CDH13: variants seen among roughly 807,000 people sequenced by gnomAD.
CDH13 encodes the protein cadherin-13.
In CDH13, 24 loss-of-function variants were observed where a neutral mutation model predicts 63.8. That is an observed-to-expected ratio of 0.38 (90% CI 0.27 to 0.53). The LOEUF (loss-of-function observed/expected upper bound fraction) is 0.53. CDH13 is among the 20% of genes least tolerant of loss of function. The probability of loss-of-function intolerance (pLI) is 0.85; values close to 1 mark genes in which losing one functional copy is unlikely to be tolerated. For synonymous variants in CDH13, 503 were observed against 355.3 expected, an observed-to-expected ratio of 1.42 and a Z score of -4.67; for missense variants, 1,049 against 903.1, an observed-to-expected ratio of 1.16 and a Z score of -2.07.
intron 4 of CDH13, among the ~76,000 whole-genome samples, chr16:83,146,223 A>C (rs990644681): frequency 6.6e-6 from 1 of 150,772 alleles, no homozygotes; most frequent in African/African-American, 2.4e-5. Flanking sequence ...AAAGAAAAGG[A>C]AGGAGGGAAG....
At chr16:82,901,950 G>A (rs1383084010) in intron 2 of CDH13, among the ~76,000 whole-genome samples, 1 of 152,232 alleles carries the variant, frequency 6.6e-6, no homozygotes, top group African/African-American at 2.4e-5. Context: ...TCTGAGCGGT[G>A]TTAGCAACCT....
At chr16:83,672,039 A>T (rs1367962229) in intron 9 of CDH13, among the ~76,000 whole-genome samples, 10 of 152,208 alleles carry the variant, frequency 6.6e-5, no homozygotes, top group Admixed American at 6.5e-4. Context: ...AGCAGCAGGG[A>T]TCAATTGTAT....
intron 3 of CDH13, among the ~76,000 whole-genome samples, chr16:83,122,799 C>G (rs2035643341): frequency 6.6e-6 from 1 of 152,022 alleles, no homozygotes; most frequent in Non-Finnish European, 1.5e-5. Flanking sequence ...AAAAGATATT[C>G]AAGGGGTACA....
At chr16:82,702,147 T>C (rs567231999) in intron 1 of CDH13, among the ~76,000 whole-genome samples, 1 of 152,306 alleles carries the variant, frequency 6.6e-6, no homozygotes, top group African/African-American at 2.4e-5. Context: ...GCGTGTTTGC[T>C]CTGCTGCTGA....
chr16:83,000,011 A>C (rs1458148322), intron 2 of CDH13, among the ~76,000 whole-genome samples: 2 of 152,080 alleles, frequency 1.3e-5, no homozygotes, highest in East Asian at 3.9e-4. Flanking sequence ...TGCAATGCTT[A>C]AGACATCCAT....
chr16:83,781,130 T>C (rs1243339448), intron 12 of CDH13, among the ~76,000 whole-genome samples: 1 of 152,188 alleles, frequency 6.6e-6, no homozygotes, highest in Admixed American at 6.5e-5. Flanking sequence ...TTGCAAGCAA[T>C]GTCTCCTCCC....
At chr16:83,140,753 C>T (rs1238906341) in intron 4 of CDH13, among the ~76,000 whole-genome samples, 1 of 152,214 alleles carries the variant, frequency 6.6e-6, no homozygotes, top group Non-Finnish European at 1.5e-5. Flanking sequence ...CTGCACCCGG[C>T]CGATCTGATG....
At chr16:83,454,405 G>A (rs1411343238) in intron 6 of CDH13, among the ~76,000 whole-genome samples, 1 of 152,150 alleles carries the variant, frequency 6.6e-6, no homozygotes, top group Non-Finnish European at 1.5e-5. Flanking sequence ...ATTGACACTA[G>A]AAATCAGCCC....
chr16:83,739,461 T>G (rs1567563551), intron 10 of CDH13, among the ~76,000 whole-genome samples: 1 of 152,194 alleles, frequency 6.6e-6, no homozygotes, highest in Non-Finnish European at 1.5e-5. Flanking sequence ...GTATTTTCCC[T>G]GTGATAAGTT....
intron 5 of CDH13, among the ~76,000 whole-genome samples, chr16:83,256,508 C>A (rs546074141): frequency 6.6e-6 from 1 of 151,746 alleles, no homozygotes; most frequent in African/African-American, 2.4e-5. Flanking sequence ...TAGGCACCTC[C>A]AATGAAAAGG....
chr16:83,139,719 T>C (rs6565131), intron 4 of CDH13, among the ~76,000 whole-genome samples: 45,448 of 151,968 alleles, frequency 0.3, 7,493 homozygotes, highest in African/African-American at 0.44. Flanking sequence ...TATAAAAATA[T>C]CCGGCCAGGC....
At chr16:82,664,578 A>C (rs909017948) in intron 1 of CDH13, among the ~76,000 whole-genome samples, 2 of 152,196 alleles carry the variant, frequency 1.3e-5, no homozygotes, top group Admixed American at 6.5e-5. Context: ...GAGCCTTTAC[A>C]TTTGATGACT....
At chr16:83,187,590 T>C (rs2038564805) in intron 4 of CDH13, among the ~76,000 whole-genome samples, 1 of 151,974 alleles carries the variant, frequency 6.6e-6, no homozygotes, top group Non-Finnish European at 1.5e-5. Flanking sequence ...TGGGAGAAGC[T>C]GTTTGCAACC....
rs1007615262 is a variant in CDH13, at chr16:83,043,295, C to A, written c.366+11077C>A. Among the ~76,000 whole-genome samples, 5 of 151,616 alleles carry A rather than the reference C, an allele frequency of 3.3e-5. No homozygotes were observed. In the East Asian group the frequency reaches 9.7e-4, roughly 29 times the overall value. On this transcript the variant is annotated intron_variant, in intron 3 of 13. Coordinates refer to ENST00000567109, the MANE Select transcript of CDH13 (RefSeq NM_001257.5). Reference sequence around the variant, plus strand: ...GAAATTCTTGGGGGAAAAACTGATCCCATAGAAAGTATAGATAACTAAAAA... The same window carrying A: ...GAAATTCTTGGGGGAAAAACTGATCACATAGAAAGTATAGATAACTAAAAA...
intron 8 of CDH13, among the ~76,000 whole-genome samples, chr16:83,646,822 A>T (rs191073432): frequency 1.6e-4 from 25 of 151,804 alleles, no homozygotes; most frequent in Non-Finnish European, 1.5e-5. Flanking sequence ...CCGCAGAGCC[A>T]TGAGACCTGG....
chr16:82,998,273 C>G (rs1912470190), intron 2 of CDH13, among the ~76,000 whole-genome samples: 1 of 152,130 alleles, frequency 6.6e-6, no homozygotes, highest in Admixed American at 6.5e-5. Flanking sequence ...CATCTTGTGT[C>G]TTATGTAATT....
chr16:83,153,940 G>C (rs924485768), intron 4 of CDH13, among the ~76,000 whole-genome samples: 1 of 152,180 alleles, frequency 6.6e-6, no homozygotes, highest in African/African-American at 2.4e-5. Flanking sequence ...ATGAAGTTCA[G>C]TGCAACAAAA....
intron 4 of CDH13, among the ~76,000 whole-genome samples, chr16:83,191,468 T>TATATATATATATATATATATGCAC (rs1567492944): frequency 7.6e-5 from 9 of 117,954 alleles, no homozygotes; most frequent in African/African-American, 6.2e-5. Flanking sequence ...AATATATATA[T>TATATATATATATATATATATGCAC]ATATATATAT....
chr16:83,055,203 C>A (rs866006724), intron 3 of CDH13, among the ~76,000 whole-genome samples: 1 of 151,798 alleles, frequency 6.6e-6, no homozygotes, highest in Non-Finnish European at 1.5e-5. Context: ...AGATTTACAA[C>A]CTTGAATGCA....
Sources: allele counts gnomAD v4.1 joint callset (sites outside exome capture counted in the v4.1 genomes callset), GRCh38; gene constraint gnomAD v4.1.1; transcripts MANE v1.5; gene names NCBI Gene and HGNC (gene_info 2026-07-23, HGNC 2026-07-21).